The following RGS9 variants were observed in gnomAD, a reference collection of about 807,000 sequenced individuals.
The protein encoded by RGS9 is regulator of G protein signaling 9.
Under a neutral mutation model 102.0 loss-of-function variants are expected in RGS9, and 78 were observed. The ratio of observed to expected loss-of-function variants is 0.76; its 90% CI spans 0.64 to 0.92. The LOEUF (loss-of-function observed/expected upper bound fraction) is 0.92. Ranked by LOEUF, RGS9 falls within the 40% of genes least tolerant of loss-of-function variation. The probability of loss-of-function intolerance (pLI) is 0.00; values close to 1 mark genes in which losing one functional copy is unlikely to be tolerated. For missense variants in RGS9, 833 were observed against 866.1 expected (o/e 0.96, Z 0.48); for synonymous variants, 353 against 318.6 (o/e 1.11, Z -1.15).
chr17:65,227,127 C>G (rs995333918), intron 18 of RGS9, 148 bp from the exon 19 acceptor site: 21 of 931,176 alleles, frequency 2.3e-5, no homozygotes, highest in Non-Finnish European at 3.6e-5. Context: ...TAGTCAAATG[C>G]TCTACCCCTG....
chr17:65,174,139 C>T (rs1418504620), intron 8 of RGS9, among the ~76,000 whole-genome samples: 2 of 152,176 alleles, frequency 1.3e-5, no homozygotes, highest in African/African-American at 4.8e-5. Context: ...GCCGTCTGGT[C>T]TGGGCAGCTG....
intron 8 of RGS9, among the ~76,000 whole-genome samples, chr17:65,170,174 C>G (rs900465052): frequency 6.6e-6 from 1 of 151,792 alleles, no homozygotes; most frequent in Non-Finnish European, 1.5e-5. Context: ...ACTGCCTCAG[C>G]CTCCTGAGTA....
chr17:65,151,343 CA>C (rs770022633), intron 1 of RGS9, among the ~76,000 whole-genome samples: 1,203 of 95,844 alleles, frequency 0.013, 13 homozygotes, highest in African/African-American at 0.037. Context: ...AGACCTGTCC[CA>C]AAAAAAAAAA....
intron 15 of RGS9, among the ~76,000 whole-genome samples, chr17:65,206,530 T>C (rs922396554): frequency 6.6e-6 from 1 of 152,026 alleles, no homozygotes; most frequent in Non-Finnish European, 1.5e-5. Context: ...ATACAAAAAT[T>C]AGCTGGGCGT....
At chr17:65,146,317 T>G (rs545993207) in intron 1 of RGS9, among the ~76,000 whole-genome samples, 1 of 151,834 alleles carries the variant, frequency 6.6e-6, no homozygotes, top group East Asian at 1.9e-4. Flanking sequence ...TGGCCTGGCG[T>G]GGTGGCTCAC....
At chr17:65,199,217 C>T (rs1198281092) in intron 13 of RGS9, among the ~76,000 whole-genome samples, 1 of 152,102 alleles carries the variant, frequency 6.6e-6, no homozygotes, top group East Asian at 1.9e-4. Flanking sequence ...TTAGTGTATT[C>T]ACTAAATTGT....
At chr17:65,165,925 G>A (rs145951052) in intron 7 of RGS9, among the ~76,000 whole-genome samples, 2 of 152,316 alleles carry the variant, frequency 1.3e-5, no homozygotes, top group Non-Finnish European at 2.9e-5. Flanking sequence ...CTATAGGTTA[G>A]GGATTTGGGA....
At chr17:65,227,203 A>C (rs1302837611) in intron 18 of RGS9, 72 bp from the exon 19 acceptor site, 4 of 1,601,924 alleles carry the variant, frequency 2.5e-6, no homozygotes, top group Non-Finnish European at 3.4e-6. Flanking sequence ...CAAGGATGTC[A>C]GGATGATTTG....
At chr17:65,187,416 AC>A (rs1332479899) in intron 9 of RGS9, among the ~76,000 whole-genome samples, 5 of 152,242 alleles carry the variant, frequency 3.3e-5, no homozygotes, top group African/African-American at 1.2e-4. Flanking sequence ...TTCTGAGATA[AC>A]TCTTCCTAAT....
At chr17:65,204,728 T>C (rs60116986) in intron 15 of RGS9, among the ~76,000 whole-genome samples, 24,190 of 152,074 alleles carry the variant, frequency 0.16, 4,112 homozygotes, top group African/African-American at 0.39. Context: ...AGTAATGGCA[T>C]TAGTAATGAC....
At chr17:65,189,379 T>C in intron 10 of RGS9, 64 bp downstream of exon 10, 7 of 1,251,736 alleles carry the variant, frequency 5.6e-6, no homozygotes, top group Middle Eastern at 1.9e-4. Flanking sequence ...ATATGTACTT[T>C]GTTTTACCCT....
intron 3 of RGS9, 166 bp downstream of exon 3, chr17:65,158,511 AT>A: frequency 1.1e-5 from 8 of 732,096 alleles, no homozygotes; most frequent in Non-Finnish European, 1.7e-5. Flanking sequence ...AGGCAGGATA[AT>A]TTGGGGACGA....
chr17:65,212,960 A>G (rs183275748), intron 17 of RGS9, among the ~76,000 whole-genome samples: 99 of 152,352 alleles, frequency 6.5e-4, no homozygotes, highest in African/African-American at 2.3e-3. Context: ...ACATGAGTGG[A>G]TGAATGAATG....
chr17:65,180,763 G>A, intron 9 of RGS9, among the ~76,000 whole-genome samples: 1 of 152,198 alleles, frequency 6.6e-6, no homozygotes, highest in African/African-American at 2.4e-5. Flanking sequence ...AATAAGCATA[G>A]TACTCATAGG....
At chr17:65,167,666 C>T (rs1208534000) in intron 7 of RGS9, among the ~76,000 whole-genome samples, 1 of 152,208 alleles carries the variant, frequency 6.6e-6, no homozygotes, top group African/African-American at 2.4e-5. Context: ...CCTGACCAGA[C>T]GTTGACTATG....
chr17:65,179,372 A>G (rs1272541014), intron 9 of RGS9, among the ~76,000 whole-genome samples: 1 of 152,196 alleles, frequency 6.6e-6, no homozygotes, highest in Non-Finnish European at 1.5e-5. Flanking sequence ...TTCCCAGGGC[A>G]GCCTTTCCCG....
intron 17 of RGS9, among the ~76,000 whole-genome samples, chr17:65,217,630 T>A (rs1165756402): frequency 6.6e-6 from 1 of 151,944 alleles, no homozygotes; most frequent in Admixed American, 6.6e-5. Flanking sequence ...AGAGATATAG[T>A]GGTAACTTAG....
chr17:65,195,492 T>C (rs1912548819), intron 12 of RGS9, among the ~76,000 whole-genome samples: 1 of 152,052 alleles, frequency 6.6e-6, no homozygotes, highest in Non-Finnish European at 1.5e-5. Context: ...TATGTATATA[T>C]ATATTTTTAT....
At position 65,204,266 on chromosome 17, in the gene RGS9, G is replaced by A. The variant is rs375023851; in HGVS notation, c.1168G>A (p.Ala390Thr). Reference protein sequence around the residue: ...LKHPHRYVLDAAQTHIYMLMK... With the variant: ...LKHPHRYVLDTAQTHIYMLMK... The stretch of plus-strand genomic sequence containing the variant: ...GCACCCCCACCGCTATGTGCTGGAC[G>A]CCGCACAAACCCACATTTACATGCT... The change falls in exon 15 of 19, where the codon GCC becomes ACC. Residue 390 changes from alanine (A) to threonine (T), a missense_variant. Ala to Thr is a moderately conservative substitution (Grantham distance 58). Transcript: ENST00000262406. The A allele has an allele frequency of 5.0e-6, 8 of 1,613,706 alleles. No individual in the cohort carries two copies. Among genetic ancestry groups the A allele is most frequent in the African/African-American group, 1.3e-5 (1 of 75,030 alleles).
Sources: gnomAD v4.1 joint callset for allele counts (sites outside exome capture counted in the v4.1 genomes callset) on GRCh38, gnomAD v4.1.1 for gene constraint, MANE v1.5 for transcripts, NCBI Gene and HGNC (gene_info 2026-07-23, HGNC 2026-07-21) for gene names.